Variants in NTNG1 observed in about 807,000 individuals in gnomAD.
The protein encoded by NTNG1 is netrin-G1.
A neutral mutation model predicts 54.0 loss-of-function variants in NTNG1; 16 were observed. That is an observed-to-expected ratio of 0.30 (90% CI 0.20 to 0.45). The LOEUF is 0.45. NTNG1 is among the 20% of genes least tolerant of loss of function. The probability of loss-of-function intolerance (pLI) is 1.00; values close to 1 mark genes in which losing one functional copy is unlikely to be tolerated. For synonymous variants in NTNG1, 255 were observed against 263.1 expected (o/e 0.97, Z 0.30); for missense variants, 530 against 678.7 (o/e 0.78, Z 2.43).
intron 2 of NTNG1, among the ~76,000 whole-genome samples, chr1:107,284,228 G>A (rs1275350979): frequency 6.6e-6 from 1 of 152,052 alleles, no homozygotes; most frequent in Non-Finnish European, 1.5e-5. Context: ...TGTTACAGAA[G>A]AGCAAATAAA....
At chr1:107,359,809 G>C (rs1392676741) in intron 3 of NTNG1, among the ~76,000 whole-genome samples, 1 of 150,376 alleles carries the variant, frequency 6.6e-6, no homozygotes, top group Non-Finnish European at 1.5e-5. Flanking sequence ...AATACTAAGT[G>C]TGATAAGATG....
chr1:107,430,806 G>C lies in NTNG1; in HGVS notation c.1144G>C (p.Val382Leu). 6.2e-7 allele frequency: 1 copy of C among 1,613,248 alleles called. No homozygotes were observed. The highest frequency in any genetic ancestry group is 1.1e-5 in the South Asian group (1 of 91,050). ...CAGTTATATCGATCTGCTAAATACAGTCATTTGCGTGAGCTGTAAACACAA... is the reference window on the plus strand; with the variant it reads ...CAGTTATATCGATCTGCTAAATACACTCATTTGCGTGAGCTGTAAACACAA... ...RCSYIDLLNT[V>L]ICVSCKHNTR... The change falls in exon 6 of 8, where the codon GTC becomes CTC. Residue 382 changes from valine to leucine, a missense_variant. Val to Leu is a conservative substitution (Grantham distance 32). This residue lies in a region of NTNG1 where 212 missense variants were observed against 213.6 expected (regional missense o/e 0.99). Transcript: ENST00000370068.
rs192502307 is a variant in NTNG1, at chr1:107,212,650, T to C, written c.246+63811T>C. 7.1e-3 allele frequency among the ~76,000 whole-genome samples: 1,078 copies of C among 152,288 alleles called. 6 individuals carry two copies. The highest frequency in any genetic ancestry group is 0.011 in the Non-Finnish European group (756 of 68,020). ...TGAGCTTTGAGTAGTGAATTATTCATTGGAGCTTCTGGACATAGCCCGAAC... is the reference window on the plus strand; with the variant it reads ...TGAGCTTTGAGTAGTGAATTATTCACTGGAGCTTCTGGACATAGCCCGAAC... On this transcript the variant is annotated intron_variant, in intron 2 of 7. Transcript: ENST00000370068.
At chr1:107,276,419 C>T (rs934206067) in intron 2 of NTNG1, among the ~76,000 whole-genome samples, 3 of 152,038 alleles carry the variant, frequency 2.0e-5, no homozygotes, top group Non-Finnish European at 4.4e-5. Context: ...TCCCCTCCTG[C>T]CTTTGCTTAT....
chr1:107,227,666 G>A (rs866710809), intron 2 of NTNG1, among the ~76,000 whole-genome samples: 9 of 144,576 alleles, frequency 6.2e-5, no homozygotes, highest in African/African-American at 1.2e-4. Flanking sequence ...TGTCTCTCTC[G>A]CTCTCTCTCT....
chr1:107,418,519 T>C (rs1408667128), intron 5 of NTNG1: 3 of 1,215,450 alleles, frequency 2.5e-6, no homozygotes, highest in Non-Finnish European at 3.5e-6. Context: ...TAATTTTCTG[T>C]TTAGACCAAA....
Position 107,148,657 on chromosome 1 carries a change from C to T in NTNG1, c.64C>T (p.Pro22Ser), listed in dbSNP as rs771537568. 1 of 1,613,060 alleles carries T rather than the reference C, an allele frequency of 6.2e-7. No homozygotes were observed. The highest frequency in any genetic ancestry group is 1.7e-5 in the Admixed American group (1 of 59,970). Residue 22 changes from proline to serine, a missense_variant, in exon 2 of 8, where the codon CCC becomes TCC. Physicochemically the swap from Pro to Ser is moderately conservative, Grantham distance 74 (BLOSUM62 -1). Transcript: ENST00000370068. Reference sequence around the variant, plus strand: ...GGTTACGGTGTCCTCAGTGATGCAGCCCTACCCTTTGGTTTGGGGACATTA... The same window carrying T: ...GGTTACGGTGTCCTCAGTGATGCAGTCCTACCCTTTGGTTTGGGGACATTA... ...LWVTVSSVMQPYPLVWGHYDL... is the reference protein window; with the variant it reads ...LWVTVSSVMQSYPLVWGHYDL...
intron 4 of NTNG1, among the ~76,000 whole-genome samples, chr1:107,398,100 C>T (rs1672794405): frequency 6.6e-6 from 1 of 152,100 alleles, no homozygotes; most frequent in Non-Finnish European, 1.5e-5. Context: ...CCCTCAAAAT[C>T]AACTTTTCAG....
At chr1:107,353,463 CT>C (rs1315361700) in intron 3 of NTNG1, among the ~76,000 whole-genome samples, 1 of 152,118 alleles carries the variant, frequency 6.6e-6, no homozygotes, top group Non-Finnish European at 1.5e-5. Flanking sequence ...CAATGACTTC[CT>C]AATTTCCATC....
At chr1:107,210,833 C>G (rs1659551329) in intron 2 of NTNG1, among the ~76,000 whole-genome samples, 1 of 152,142 alleles carries the variant, frequency 6.6e-6, no homozygotes, top group African/African-American at 2.4e-5. Flanking sequence ...ATGCCACACT[C>G]TCTTCTCTAG....
At chr1:107,151,413 T>C (rs552017176) in intron 2 of NTNG1, among the ~76,000 whole-genome samples, 1 of 152,256 alleles carries the variant, frequency 6.6e-6, no homozygotes, top group Admixed American at 6.5e-5. Context: ...GACTTATGCG[T>C]TCTCCCCTCC....
chr1:107,474,915 TTCTGTACATAGCAG>T (rs770789250), intron 7 of NTNG1, among the ~76,000 whole-genome samples: 8 of 152,212 alleles, frequency 5.3e-5, no homozygotes, highest in Non-Finnish European at 7.3e-5. Flanking sequence ...AGAACACACG[TTCTGTACATAGCAG>T]TCTCCTATGT....
chr1:107,356,707 A>G (rs1296947298), intron 3 of NTNG1, among the ~76,000 whole-genome samples: 2 of 151,196 alleles, frequency 1.3e-5, no homozygotes, highest in Non-Finnish European at 2.9e-5. Context: ...TCCTTTGGGT[A>G]TAGGAATTAA....
intron 2 of NTNG1, among the ~76,000 whole-genome samples, chr1:107,173,212 C>T (rs1165897847): frequency 2.6e-5 from 4 of 152,078 alleles, no homozygotes; most frequent in South Asian, 2.1e-4. Context: ...TGCTGTTTAA[C>T]GCATCTTAAA....
chr1:107,157,254 A>G (rs1345489706), intron 2 of NTNG1, among the ~76,000 whole-genome samples: 1 of 152,186 alleles, frequency 6.6e-6, no homozygotes, highest in Admixed American at 6.6e-5. Context: ...TAAATTGAAC[A>G]TGAAGTTTTT....
intron 2 of NTNG1, among the ~76,000 whole-genome samples, chr1:107,266,287 C>A (rs996603364): frequency 3.9e-5 from 6 of 152,066 alleles, no homozygotes; most frequent in African/African-American, 1.2e-4. Context: ...ATACCTGAAA[C>A]TGGGTAATTT....
intron 7 of NTNG1, among the ~76,000 whole-genome samples, chr1:107,457,976 C>G (rs1370655268): frequency 6.6e-6 from 1 of 152,028 alleles, no homozygotes; most frequent in Non-Finnish European, 1.5e-5. Context: ...GTGTTTTTAG[C>G]CATCATGTTA....
At chr1:107,361,279 ATATAT>A (rs1457592391) in intron 3 of NTNG1, among the ~76,000 whole-genome samples, 2 of 143,846 alleles carry the variant, frequency 1.4e-5, no homozygotes, top group African/African-American at 5.0e-5. Flanking sequence ...GAACTATATA[ATATAT>A]AATTTTTATA....
At chr1:107,324,959 T>C in intron 3 of NTNG1, 37 bp downstream of exon 3, 1 of 1,561,398 alleles carries the variant, frequency 6.4e-7, no homozygotes, top group Non-Finnish European at 8.7e-7. Context: ...TGGGAACGGG[T>C]GTGTCCAAAG....
Sources: allele counts gnomAD v4.1 joint callset (sites outside exome capture counted in the v4.1 genomes callset), GRCh38; gene constraint gnomAD v4.1.1; regional missense constraint gnomAD v4.1.1; transcripts MANE v1.5; gene names NCBI Gene and HGNC (gene_info 2026-07-23, HGNC 2026-07-21).